The following ABI2 variants were observed in gnomAD, a reference collection of about 807,000 sequenced individuals.
The protein encoded by ABI2 is abelson interactor 2.
A neutral mutation model predicts 59.2 loss-of-function variants in ABI2; 25 were observed. That is an observed-to-expected ratio of 0.42 (90% CI 0.31 to 0.59). The LOEUF (loss-of-function observed/expected upper bound fraction) is 0.59. ABI2 is among the 20% of genes least tolerant of loss of function. ABI2 has a pLI of 0.14. For missense variants in ABI2, 545 were observed against 681.8 expected (o/e 0.80, Z 2.23); for synonymous variants, 213 against 235.5 (o/e 0.90, Z 0.87).
In ABI2 at chr2:203,418,193, A is replaced by C. The variant is rs142241120; in HGVS notation, c.1453+1112A>C. On this transcript the variant is annotated intron_variant, in intron 11 of 11. Coordinates refer to ENST00000261018, the MANE Select transcript of ABI2 (RefSeq NM_001375670.1). ...TGGAGTCCCCAGGAGATGTGAGAGG[A>C]AAAAGAGTTGAAACAATCATAGACA... is the stretch of plus-strand genomic sequence containing the variant. Among the ~76,000 whole-genome samples, 64 of 152,368 alleles carry C rather than the reference A, an allele frequency of 4.2e-4. No individual in the cohort carries two copies. In the East Asian group the frequency reaches 0.012, roughly 28 times the overall value.
intron 1 of ABI2, among the ~76,000 whole-genome samples, chr2:203,332,461 C>A (rs554715180): frequency 2.0e-5 from 3 of 151,998 alleles, no homozygotes; most frequent in Non-Finnish European, 4.4e-5. Context: ...CGCGTATCTA[C>A]TAAAAATACA....
intron 5 of ABI2, among the ~76,000 whole-genome samples, chr2:203,393,996 G>C (rs955419936): frequency 6.6e-6 from 1 of 152,142 alleles, no homozygotes; most frequent in South Asian, 2.1e-4. Flanking sequence ...AGTCTGGTTT[G>C]TATTTTACAG....
chr2:203,421,026 G>A (rs1280502844), intron 11 of ABI2, among the ~76,000 whole-genome samples: 1 of 151,882 alleles, frequency 6.6e-6, no homozygotes, highest in African/African-American at 2.4e-5. Context: ...GTAATTAGGT[G>A]GTGGGTGGCT....
intron 11 of ABI2, among the ~76,000 whole-genome samples, chr2:203,423,060 C>A (rs1260800224): frequency 6.6e-6 from 1 of 152,128 alleles, no homozygotes; most frequent in African/African-American, 2.4e-5. Context: ...GTTTAGGGTA[C>A]TTAATTGTTA....
intron 11 of ABI2, among the ~76,000 whole-genome samples, chr2:203,420,861 C>A (rs2098169030): frequency 6.7e-6 from 1 of 148,420 alleles, no homozygotes; most frequent in African/African-American, 2.5e-5. Flanking sequence ...AGGAGTTTCT[C>A]AGGCAGAGAA....
chr2:203,364,488 T>C (rs972232563), intron 1 of ABI2, among the ~76,000 whole-genome samples: 3 of 152,172 alleles, frequency 2.0e-5, no homozygotes, highest in Admixed American at 6.5e-5. Context: ...CGCTGACTTA[T>C]CCGTAGAGCA....
Position 203,415,148 on chromosome 2 carries a change from A to G in ABI2, c.1280-1760A>G, listed in dbSNP as rs554161816. On this transcript the variant is annotated intron_variant, in intron 10 of 11. Transcript: ENST00000261018. ...CAAGTATATGGTAAATCACATATCT[A>G]TATCTTTTGTTTATTAATAAAAACT... Among the ~76,000 whole-genome samples, 89 of 152,342 alleles carry G rather than the reference A, an allele frequency of 5.8e-4. 2 individuals carry two copies. In the South Asian group the frequency reaches 0.018, roughly 30 times the overall value.
At chr2:203,403,742 G>GTTTTTTTTTTTTTTTT (rs56123341) in intron 9 of ABI2, among the ~76,000 whole-genome samples, 8 of 95,300 alleles carry the variant, frequency 8.4e-5, no homozygotes, top group Admixed American at 1.4e-4. Context: ...CTTTCTTTCT[G>GTTTTTTTTTTTTTTTT]TTTTTTTTTT....
At chr2:203,404,184 C>A (rs1176223356) in intron 9 of ABI2, among the ~76,000 whole-genome samples, 3 of 152,150 alleles carry the variant, frequency 2.0e-5, no homozygotes, top group Non-Finnish European at 4.4e-5. Context: ...AAGCCTGAGA[C>A]CTTGTCAGTC....
chr2:203,414,270 T>C (rs1033672425), intron 10 of ABI2, among the ~76,000 whole-genome samples: 3 of 152,034 alleles, frequency 2.0e-5, no homozygotes, highest in African/African-American at 7.3e-5. Context: ...TGCGTCTAAT[T>C]TTTGTATTTT....
chr2:203,419,721 G>A (rs1014036712), intron 11 of ABI2, among the ~76,000 whole-genome samples: 2 of 151,946 alleles, frequency 1.3e-5, no homozygotes, highest in Non-Finnish European at 2.9e-5. Flanking sequence ...ATATAAGAAT[G>A]CTTTGGGCTG....
intron 1 of ABI2, among the ~76,000 whole-genome samples, chr2:203,347,445 T>C (rs1302752659): frequency 6.6e-6 from 1 of 152,172 alleles, no homozygotes; most frequent in African/African-American, 2.4e-5. Flanking sequence ...ATAATGGACA[T>C]AAGACCATTA....
chr2:203,421,560 CTG>C (rs1439495143), intron 11 of ABI2, among the ~76,000 whole-genome samples: 6 of 152,144 alleles, frequency 3.9e-5, no homozygotes, highest in Non-Finnish European at 2.9e-5. Context: ...CAGTGCACCA[CTG>C]TGCTTTTTTT....
intron 11 of ABI2, among the ~76,000 whole-genome samples, chr2:203,421,972 A>AG (rs1337809817): frequency 2.4e-4 from 37 of 151,740 alleles, no homozygotes; most frequent in African/African-American, 8.2e-4. Flanking sequence ...CTCAAAAAAA[A>AG]AAAAAAAAAA....
rs1285244524 is a variant in ABI2, at chr2:203,430,860, A to AT, written c.*3513dup. 5.3e-5 allele frequency: 8 copies of AT among 152,090 alleles called. No individual in the cohort carries two copies. The highest frequency in any genetic ancestry group is 1.7e-4 in the African/African-American group (7 of 41,488). The allele number at this position is 152,090 out of a possible 1,614,324, so 9.4% of individuals were successfully genotyped here. A position where few individuals can be genotyped will look rare whatever the true frequency, so the allele number is the denominator to read the frequency against. On this transcript the variant is annotated 3_prime_UTR_variant, in exon 12 of 12. Transcript: ENST00000261018. ...CAGTTTATGTTGAAGATAACTAAAG[A>AT]TTTTTCTCTTTGGGAGGCATCAAAA...
chr2:203,348,442 A>G (rs926469578), intron 1 of ABI2, among the ~76,000 whole-genome samples: 1 of 152,186 alleles, frequency 6.6e-6, no homozygotes, highest in African/African-American at 2.4e-5. Flanking sequence ...TAATTTATAT[A>G]CAAGCCTTGT....
intron 1 of ABI2, among the ~76,000 whole-genome samples, chr2:203,337,359 G>A (rs1444014653): frequency 1.3e-5 from 2 of 152,068 alleles, no homozygotes; most frequent in African/African-American, 4.8e-5. Flanking sequence ...AACTACAAAC[G>A]ATCTGAAAAA....
chr2:203,396,084 G>A (rs1329455653), intron 7 of ABI2, among the ~76,000 whole-genome samples: 1 of 152,106 alleles, frequency 6.6e-6, no homozygotes, highest in Non-Finnish European at 1.5e-5. Context: ...TGGACACAGT[G>A]GGAACTCAGT....
chr2:203,346,040 A>C (rs1433921544), intron 1 of ABI2, among the ~76,000 whole-genome samples: 1 of 151,304 alleles, frequency 6.6e-6, no homozygotes, highest in Non-Finnish European at 1.5e-5. Context: ...GCGCACACAC[A>C]CACACAAACT....
Sources: allele counts gnomAD v4.1 joint callset (sites outside exome capture counted in the v4.1 genomes callset), GRCh38; gene constraint gnomAD v4.1.1; transcripts MANE v1.5; gene names NCBI Gene and HGNC (gene_info 2026-07-23, HGNC 2026-07-21).